Variants in NELL1 observed in about 807,000 individuals in gnomAD.
NELL1 encodes protein kinase C-binding protein NELL1.
NELL1 carries 76 observed loss-of-function variants against 107.4 expected under a neutral mutation model. The observed-to-expected ratio is 0.71, with a 90% CI of 0.59 to 0.86. The LOEUF (loss-of-function observed/expected upper bound fraction) is 0.86, where lower values mean the gene tolerates loss of function less well. NELL1 is among the 40% of genes least tolerant of loss of function. The pLI is 0.00. For synonymous variants in NELL1, 353 were observed against 341.2 expected (o/e 1.03, Z -0.38); for missense variants, 1,024 against 1,005.5 (o/e 1.02, Z -0.25).
intron 14 of NELL1, among the ~76,000 whole-genome samples, chr11:21,247,714 A>G (rs1212219259): frequency 2.0e-5 from 3 of 152,216 alleles, no homozygotes; most frequent in Admixed American, 1.3e-4. Flanking sequence ...AAAGACATAA[A>G]CCAGTAACAT....
chr11:21,146,652 G>A (rs1346964950), intron 13 of NELL1, among the ~76,000 whole-genome samples: 1 of 152,186 alleles, frequency 6.6e-6, no homozygotes, highest in African/African-American at 2.4e-5. Context: ...ATGAGAGTGA[G>A]GTGGGTGGAT....
chr11:21,007,401 A>G (rs985646173), intron 12 of NELL1, among the ~76,000 whole-genome samples: 10 of 152,016 alleles, frequency 6.6e-5, no homozygotes, highest in Non-Finnish European at 1.0e-4. Context: ...ACACACACAC[A>G]CACACACACA....
chr11:20,705,041 T>G (rs1854905595), intron 2 of NELL1, among the ~76,000 whole-genome samples: 1 of 152,172 alleles, frequency 6.6e-6, no homozygotes, highest in African/African-American at 2.4e-5. Context: ...GAACATTCCA[T>G]GCTCACGGGT....
At chr11:20,688,224 T>C (rs1392008270) in intron 2 of NELL1, among the ~76,000 whole-genome samples, 1 of 152,130 alleles carries the variant, frequency 6.6e-6, no homozygotes, top group Non-Finnish European at 1.5e-5. Flanking sequence ...TCTTTGCTTT[T>C]AAAAATAATT....
In NELL1 at chr11:21,408,113, T is replaced by TA. The variant is rs557989656; in HGVS notation, c.1645+37166dup. ...CATGGAGAGCAGCATGAGTTGATCATAGCTCTCTTTCTTGAGATCCCAGGT... is the reference window on the plus strand; with the variant it reads ...CATGGAGAGCAGCATGAGTTGATCATAAGCTCTCTTTCTTGAGATCCCAGGT... On this transcript the variant is annotated intron_variant, in intron 15 of 19. Transcript: ENST00000357134. 5.9e-5 allele frequency among the ~76,000 whole-genome samples: 9 copies of TA among 152,098 alleles called. No individual in the cohort carries two copies. The South Asian group carries it at 1.5e-3, about 25-fold the overall frequency.
chr11:21,283,980 C>T (rs1161566264), intron 14 of NELL1: 4 of 347,584 alleles, frequency 1.2e-5, no homozygotes, highest in African/African-American at 8.6e-5. Context: ...GGCACTGGGA[C>T]TGAACTTATG....
intron 2 of NELL1, among the ~76,000 whole-genome samples, chr11:20,705,472 C>G (rs1199845114): frequency 6.6e-6 from 1 of 151,326 alleles, no homozygotes; most frequent in Non-Finnish European, 1.5e-5. Context: ...ATGTAGAAAG[C>G]TGAAACTGGA....
intron 14 of NELL1, among the ~76,000 whole-genome samples, chr11:21,321,202 G>T (rs1229421358): frequency 6.6e-6 from 1 of 152,190 alleles, no homozygotes; most frequent in Non-Finnish European, 1.5e-5. Context: ...TCTCCCAGGA[G>T]ATTTGTAATT....
At chr11:20,690,720 G>T (rs535300345) in intron 2 of NELL1, among the ~76,000 whole-genome samples, 228 of 152,146 alleles carry the variant, frequency 1.5e-3, no homozygotes, top group African/African-American at 5.2e-3. Context: ...GTAGCATGAT[G>T]CCTCCAGCTT....
At chr11:21,020,686 A>G (rs985627891) in intron 12 of NELL1, among the ~76,000 whole-genome samples, 1 of 151,992 alleles carries the variant, frequency 6.6e-6, no homozygotes. Flanking sequence ...CCTCATCTGC[A>G]GTAGCTGGAA....
At chr11:20,997,520 G>A (rs1374258552) in intron 12 of NELL1, among the ~76,000 whole-genome samples, 1 of 152,162 alleles carries the variant, frequency 6.6e-6, no homozygotes, top group East Asian at 1.9e-4. Flanking sequence ...TTGGAGTTTA[G>A]GTAATAGTGA....
At chr11:21,020,398 A>G (rs1852669739) in intron 12 of NELL1, among the ~76,000 whole-genome samples, 1 of 152,150 alleles carries the variant, frequency 6.6e-6, no homozygotes, top group Admixed American at 6.6e-5. Flanking sequence ...ATTTGTTACT[A>G]TATAGTCCAA....
intron 12 of NELL1, among the ~76,000 whole-genome samples, chr11:21,081,851 T>C (rs1434478598): frequency 6.6e-6 from 1 of 152,176 alleles, no homozygotes; most frequent in Non-Finnish European, 1.5e-5. Context: ...CAGGGACTTA[T>C]GAAGGTTATC....
At chr11:21,346,686 T>C (rs1030704912) in intron 14 of NELL1, among the ~76,000 whole-genome samples, 7 of 148,594 alleles carry the variant, frequency 4.7e-5, no homozygotes, top group Non-Finnish European at 1.0e-4. Context: ...ATATATAATA[T>C]ATATGATATA....
At chr11:20,807,163 G>T (rs1378441929) in intron 3 of NELL1, among the ~76,000 whole-genome samples, 2 of 152,026 alleles carry the variant, frequency 1.3e-5, no homozygotes. Context: ...CACAGTCTGG[G>T]CTTGATTGTA....
intron 15 of NELL1, among the ~76,000 whole-genome samples, chr11:21,512,263 CTCTT>C (rs1855455706): frequency 6.6e-6 from 1 of 152,144 alleles, no homozygotes; most frequent in Admixed American, 6.5e-5. Flanking sequence ...GCCTTTTCTT[CTCTT>C]TCTATCTCCC....
chr11:21,534,099 G>A (rs1030904215), intron 15 of NELL1, among the ~76,000 whole-genome samples: 1 of 152,064 alleles, frequency 6.6e-6, no homozygotes, highest in Admixed American at 6.6e-5. Context: ...CCTCAACCTA[G>A]TTATTCAGAG....
chr11:21,124,858 C>T (rs900132093), intron 13 of NELL1, among the ~76,000 whole-genome samples: 1 of 152,076 alleles, frequency 6.6e-6, no homozygotes, highest in African/African-American at 2.4e-5. Context: ...GCCTCAGCCT[C>T]CCAAAGTGCT....
At chr11:20,675,755 G>A (rs1031107337) in intron 1 of NELL1, among the ~76,000 whole-genome samples, 3 of 151,852 alleles carry the variant, frequency 2.0e-5, no homozygotes, top group Admixed American at 2.0e-4. Flanking sequence ...CTCCCACTTT[G>A]GCCTCTCTTC....
Sources: gnomAD v4.1 joint callset for allele counts (sites outside exome capture counted in the v4.1 genomes callset) on GRCh38, gnomAD v4.1.1 for gene constraint, MANE v1.5 for transcripts, NCBI Gene and HGNC (gene_info 2026-07-23, HGNC 2026-07-21) for gene names.